SSBP2: variants seen among roughly 807,000 people sequenced by gnomAD.
SSBP2 encodes single stranded DNA binding protein 2, also known as single-stranded DNA-binding protein 2.
Under a neutral mutation model 61.8 loss-of-function variants are expected in SSBP2, and 17 were observed. That is an observed-to-expected ratio of 0.28 (90% CI 0.19 to 0.41). SSBP2 has a LOEUF of 0.41. Among genes scored for constraint, SSBP2 ranks in the 10% least tolerant of loss-of-function variants. The pLI, the probability that SSBP2 is intolerant of heterozygous loss-of-function variation, is 1.00. For missense variants in SSBP2, 310 were observed against 458.7 expected, an observed-to-expected ratio of 0.68 and a Z score of 2.96; for synonymous variants, 139 against 141.3, an observed-to-expected ratio of 0.98 and a Z score of 0.12.
chr5:81,598,973 A>T (rs1023375875), intron 4 of SSBP2, among the ~76,000 whole-genome samples: 2 of 152,010 alleles, frequency 1.3e-5, no homozygotes, highest in African/African-American at 4.8e-5. Context: ...AAAAAATCTG[A>T]CTCTGCCTTT....
intron 5 of SSBP2, among the ~76,000 whole-genome samples, chr5:81,504,790 C>T (rs1485413432): frequency 2.0e-5 from 3 of 152,156 alleles, no homozygotes; most frequent in Non-Finnish European, 2.9e-5. Flanking sequence ...TTATCTTGTT[C>T]ACTGTAGTGA....
intron 4 of SSBP2, among the ~76,000 whole-genome samples, chr5:81,585,708 T>C (rs1056188803): frequency 6.6e-6 from 1 of 152,170 alleles, no homozygotes; most frequent in African/African-American, 2.4e-5. Flanking sequence ...TTTTCAAGTA[T>C]ACATTATTAT....
At chr5:81,665,452 A>AGT (rs1751032965) in intron 1 of SSBP2, among the ~76,000 whole-genome samples, 1 of 152,158 alleles carries the variant, frequency 6.6e-6, no homozygotes, top group Non-Finnish European at 1.5e-5. Flanking sequence ...CCTCAGATAT[A>AGT]GACAACGTAA....
intron 5 of SSBP2, among the ~76,000 whole-genome samples, chr5:81,498,692 TCTATTCTGTATGTTG>T (rs1234701069): frequency 3.9e-5 from 6 of 152,064 alleles, no homozygotes; most frequent in African/African-American, 1.4e-4. Context: ...TATATAGATT[TCTATTCTGTATGTTG>T]CTATTCTATA....
chr5:81,484,347 T>A (rs901857178), intron 6 of SSBP2, among the ~76,000 whole-genome samples: 18 of 152,240 alleles, frequency 1.2e-4, no homozygotes, highest in Admixed American at 1.1e-3. Flanking sequence ...CATAAAACTA[T>A]AACTTAAATT....
intron 1 of SSBP2, among the ~76,000 whole-genome samples, chr5:81,674,727 G>T (rs1309763555): frequency 6.6e-6 from 1 of 151,524 alleles, no homozygotes; most frequent in African/African-American, 2.4e-5. Flanking sequence ...ATTCCAAAAC[G>T]GTTGAAAGGG....
At chr5:81,686,681 C>G (rs996333290) in intron 1 of SSBP2, among the ~76,000 whole-genome samples, 5 of 151,038 alleles carry the variant, frequency 3.3e-5, no homozygotes, top group Admixed American at 1.3e-4. Flanking sequence ...ATGGTGAAAC[C>G]CCGTCTCTAC....
chr5:81,585,192 C>A (rs1222267452), intron 4 of SSBP2, among the ~76,000 whole-genome samples: 1 of 151,928 alleles, frequency 6.6e-6, no homozygotes, highest in African/African-American at 2.4e-5. Context: ...CCCACCAACC[C>A]ACCCCATACT....
At chr5:81,493,907 T>C (rs1001172386) in intron 5 of SSBP2, among the ~76,000 whole-genome samples, 4 of 152,158 alleles carry the variant, frequency 2.6e-5, no homozygotes, top group Admixed American at 6.5e-5. Flanking sequence ...TCATCAAATA[T>C]TTATTAAACA....
intron 6 of SSBP2, 32 bp downstream of exon 6, chr5:81,489,218 T>TA (rs1766667545): frequency 6.4e-7 from 1 of 1,559,238 alleles, no homozygotes; most frequent in Non-Finnish European, 8.8e-7. Flanking sequence ...CTTTGATTCT[T>TA]ACAAAAAACT....
chr5:81,504,867 C>T (rs1013761443), intron 5 of SSBP2, among the ~76,000 whole-genome samples: 7 of 152,148 alleles, frequency 4.6e-5, no homozygotes, highest in Non-Finnish European at 1.0e-4. Context: ...AGCTAGTGAT[C>T]CTCAAATTTT....
intron 1 of SSBP2, among the ~76,000 whole-genome samples, chr5:81,724,919 A>T (rs1327091504): frequency 6.6e-6 from 1 of 152,202 alleles, no homozygotes; most frequent in Non-Finnish European, 1.5e-5. Flanking sequence ...CCTATTGAGT[A>T]GGCAAAATGG....
intron 4 of SSBP2, among the ~76,000 whole-genome samples, chr5:81,611,891 T>C (rs1389343382): frequency 6.6e-6 from 1 of 152,136 alleles, no homozygotes; most frequent in Non-Finnish European, 1.5e-5. Flanking sequence ...TCTAGTCTTA[T>C]AAGATAAATA....
intron 15 of SSBP2, among the ~76,000 whole-genome samples, chr5:81,436,222 G>C (rs1208649389): frequency 6.9e-6 from 1 of 144,984 alleles, no homozygotes; most frequent in African/African-American, 2.5e-5. Context: ...AGGTATCTGA[G>C]AGCCAACACA....
At chr5:81,643,389 A>T (rs919217199) in intron 2 of SSBP2, among the ~76,000 whole-genome samples, 19 of 152,118 alleles carry the variant, frequency 1.2e-4, no homozygotes, top group African/African-American at 4.3e-4. Context: ...ACCATAAAAC[A>T]ATAAAACCAA....
chr5:81,564,331 G>C (rs1305061590), intron 4 of SSBP2, among the ~76,000 whole-genome samples: 1 of 152,206 alleles, frequency 6.6e-6, no homozygotes, highest in African/African-American at 2.4e-5. Context: ...TTTGCCTTGA[G>C]AGTGCCTGCC....
chr5:81,525,991 T>C (rs565481448), intron 4 of SSBP2, among the ~76,000 whole-genome samples: 8 of 152,058 alleles, frequency 5.3e-5, no homozygotes, highest in Non-Finnish European at 1.2e-4. Flanking sequence ...GTAATTTTAG[T>C]TTGTGTGTTG....
intron 16 of SSBP2, among the ~76,000 whole-genome samples, chr5:81,426,138 C>T (rs1761938516): frequency 6.6e-6 from 1 of 152,196 alleles, no homozygotes; most frequent in Non-Finnish European, 1.5e-5. Context: ...AGCTTATTTA[C>T]TTCTTCAAAG....
chr5:81,710,256 T>G (rs555028937), intron 1 of SSBP2, among the ~76,000 whole-genome samples: 1 of 152,194 alleles, frequency 6.6e-6, no homozygotes, highest in East Asian at 1.9e-4. Context: ...GATTGTCTAA[T>G]TAGATACCTT....
Sources: gnomAD v4.1 joint callset for allele counts (sites outside exome capture counted in the v4.1 genomes callset) on GRCh38, gnomAD v4.1.1 for gene constraint, MANE v1.5 for transcripts, NCBI Gene and HGNC (gene_info 2026-07-23, HGNC 2026-07-21) for gene names.